Variants in FAM13A observed in about 807,000 individuals in gnomAD.
FAM13A encodes family with sequence similarity 13 member A, also known as protein FAM13A.
FAM13A carries 76 observed loss-of-function variants against 129.6 expected under a neutral mutation model. The ratio of observed to expected loss-of-function variants is 0.59; its 90% CI spans 0.49 to 0.71. The LOEUF (loss-of-function observed/expected upper bound fraction) is 0.71, where lower values mean the gene tolerates loss of function less well. Among genes scored for constraint, FAM13A ranks in the 30% least tolerant of loss-of-function variants. The pLI is 0.00. For synonymous variants in FAM13A, 443 were observed against 449.9 expected (o/e 0.98, Z 0.20); for missense variants, 1,108 against 1,249.3 (o/e 0.89, Z 1.70).
At chr4:88,841,966 C>T (rs1420405364) in intron 7 of FAM13A, among the ~76,000 whole-genome samples, 1 of 152,170 alleles carries the variant, frequency 6.6e-6, no homozygotes, top group African/African-American at 2.4e-5. Flanking sequence ...TTCATCCTAG[C>T]ATTATTCATA....
At chr4:88,804,891 G>C in intron 8 of FAM13A, 120 bp downstream of exon 8, 1 of 666,242 alleles carries the variant, frequency 1.5e-6, no homozygotes, top group Non-Finnish European at 2.7e-6. Flanking sequence ...GCTCCAGCAA[G>C]TTAGTCTGGC....
intron 6 of FAM13A, among the ~76,000 whole-genome samples, chr4:88,891,299 C>T (rs967146053): frequency 3.9e-5 from 6 of 152,212 alleles, no homozygotes; most frequent in African/African-American, 1.4e-4. Context: ...TGGCACATGC[C>T]TATAGTTCCA....
chr4:88,869,614 T>C (rs1450923706), intron 6 of FAM13A, among the ~76,000 whole-genome samples: 2 of 152,244 alleles, frequency 1.3e-5, no homozygotes, highest in African/African-American at 4.8e-5. Flanking sequence ...CACTTTATTT[T>C]CCTTCTAAGC....
chr4:88,937,944 A>G, intron 5 of FAM13A, 144 bp downstream of exon 5: 1 of 612,204 alleles, frequency 1.6e-6, no homozygotes, highest in Non-Finnish European at 2.8e-6. Flanking sequence ...ATTTGGAATA[A>G]TAGATTTCAT....
intron 3 of FAM13A, among the ~76,000 whole-genome samples, chr4:88,993,588 T>C (rs1218202579): frequency 6.6e-6 from 1 of 152,250 alleles, no homozygotes; most frequent in Non-Finnish European, 1.5e-5. Flanking sequence ...AGCAGCATTT[T>C]CATCATTTTC....
At chr4:88,793,816 C>T (rs1039765161) in intron 8 of FAM13A, among the ~76,000 whole-genome samples, 2 of 151,982 alleles carry the variant, frequency 1.3e-5, no homozygotes, top group South Asian at 2.1e-4. Flanking sequence ...GTATCAGATA[C>T]ATTTATGGTT....
rs151304842 is a variant in FAM13A at position 88,845,488 on chromosome 4, T to G, written c.1007+5532A>C. On this transcript the variant is annotated intron_variant, in intron 7 of 23. Coordinates refer to ENST00000264344, the MANE Select transcript of FAM13A (RefSeq NM_014883.4). Reference sequence around the variant, plus strand: ...GGAAGGAGACTTTGAGGACGCTGCATTTTGGACAGAAGGGCGAGGGAAGGA... The same window carrying G: ...GGAAGGAGACTTTGAGGACGCTGCAGTTTGGACAGAAGGGCGAGGGAAGGA... Among the ~76,000 whole-genome samples the G allele has an allele frequency of 1.7e-3, 251 of 152,116 alleles. 2 individuals are homozygous for G. Among genetic ancestry groups the G allele is most frequent in the African/African-American group, 5.7e-3 (237 of 41,484 alleles).
intron 4 of FAM13A, among the ~76,000 whole-genome samples, chr4:88,980,616 A>C (rs1194736442): frequency 6.6e-6 from 1 of 152,194 alleles, no homozygotes; most frequent in Admixed American, 6.5e-5. Flanking sequence ...ATTAAGGGAA[A>C]AATTTGCATT....
intron 14 of FAM13A, among the ~76,000 whole-genome samples, chr4:88,751,899 C>T (rs1742702411): frequency 6.6e-6 from 1 of 152,172 alleles, no homozygotes; most frequent in South Asian, 2.1e-4. Flanking sequence ...GATTCCTAGA[C>T]TTTGAATCAT....
chr4:88,967,148 C>A (rs922652710), intron 4 of FAM13A, among the ~76,000 whole-genome samples: 7 of 152,166 alleles, frequency 4.6e-5, no homozygotes, highest in Non-Finnish European at 8.8e-5. Flanking sequence ...TTCTTTAGAA[C>A]AGTACCTGAC....
chr4:89,030,487 G>A (rs758800831), intron 1 of FAM13A, among the ~76,000 whole-genome samples: 2 of 152,056 alleles, frequency 1.3e-5, no homozygotes, highest in Admixed American at 6.6e-5. Context: ...AAATGCGAAC[G>A]GTCTTATTTG....
intron 6 of FAM13A, among the ~76,000 whole-genome samples, chr4:88,887,038 A>G (rs1357080003): frequency 6.6e-6 from 1 of 152,228 alleles, no homozygotes; most frequent in Non-Finnish European, 1.5e-5. Flanking sequence ...AATTGAAGTA[A>G]CTCAGGAATG....
intron 17 of FAM13A, 24 bp from the exon 18 acceptor site, chr4:88,747,875 A>C: frequency 6.8e-7 from 1 of 1,463,760 alleles, no homozygotes; most frequent in Non-Finnish European, 9.5e-7. Flanking sequence ...TTTGGGGGTA[A>C]AGATATATGA....
chr4:88,846,840 T>C (rs923884167), intron 7 of FAM13A, among the ~76,000 whole-genome samples: 1 of 152,216 alleles, frequency 6.6e-6, no homozygotes, highest in Non-Finnish European at 1.5e-5. Flanking sequence ...TTTCCACACA[T>C]GCACATTTAT....
chr4:89,011,923 A>G (rs999256453), intron 3 of FAM13A, among the ~76,000 whole-genome samples: 1 of 152,160 alleles, frequency 6.6e-6, no homozygotes, highest in African/African-American at 2.4e-5. Context: ...CAATTAAATC[A>G]CACACTCCTT....
At chr4:88,797,395 C>T (rs1486461395) in intron 8 of FAM13A, among the ~76,000 whole-genome samples, 1 of 151,882 alleles carries the variant, frequency 6.6e-6, no homozygotes, top group African/African-American at 2.4e-5. Flanking sequence ...GCTTCGGCCT[C>T]ACAAGAAACT....
chr4:88,807,515 T>G lies in FAM13A; in HGVS notation c.1008-2463A>C, dbSNP rs3775386. On this transcript the variant is annotated intron_variant, in intron 7 of 23. Coordinates refer to ENST00000264344, the MANE Select transcript of FAM13A (RefSeq NM_014883.4). ...ATGCAGCTAGTGATGTGTAAATTAC[T>G]GTATTACATGTTAGTTCATTTTTCT... 8.5e-5 allele frequency among the ~76,000 whole-genome samples: 13 copies of G among 152,348 alleles called. No homozygotes were observed. In the East Asian group the frequency reaches 2.5e-3, roughly 29 times the overall value.
chr4:88,743,859 G>A (rs978613097), intron 19 of FAM13A, among the ~76,000 whole-genome samples: 3 of 152,100 alleles, frequency 2.0e-5, no homozygotes, highest in East Asian at 1.9e-4. Context: ...CAAACTATGC[G>A]GCCTCAAACT....
chr4:88,756,259 C>T (rs1743606580), intron 14 of FAM13A, among the ~76,000 whole-genome samples: 1 of 152,160 alleles, frequency 6.6e-6, no homozygotes, highest in Non-Finnish European at 1.5e-5. Context: ...TAAGCATGAC[C>T]AGACTCGGAT....
Sources: gnomAD v4.1 joint callset for allele counts (sites outside exome capture counted in the v4.1 genomes callset) on GRCh38, gnomAD v4.1.1 for gene constraint, MANE v1.5 for transcripts, NCBI Gene and HGNC (gene_info 2026-07-23, HGNC 2026-07-21) for gene names.